BLTP3B: variants seen among roughly 807,000 people sequenced by gnomAD.
BLTP3B encodes UHRF1 (ICBP90) binding protein 1-like.
At chr12:100,095,532 G>T in the BLTP3B span, 1 of 925,538 alleles carries the variant, frequency 1.1e-6, no homozygotes, top group South Asian at 1.8e-5. Context: ...TTACATAGAA[G>T]ATATCTAGAT....
chr12:100,043,227 T>C, the BLTP3B span, among the ~76,000 whole-genome samples: 2 of 152,266 alleles, frequency 1.3e-5, no homozygotes, highest in Non-Finnish European at 2.9e-5. Context: ...ACTCACTTTA[T>C]TGTGGTGGTC....
At chr12:100,128,569 A>G in the BLTP3B span, 1 of 1,223,626 alleles carries the variant, frequency 8.2e-7, no homozygotes, top group Non-Finnish European at 1.0e-6. Context: ...CATGGGGAAT[A>G]GAAGTATTAC....
At chr12:100,039,139 A>G in the BLTP3B span, among the ~76,000 whole-genome samples, 3 of 151,636 alleles carry the variant, frequency 2.0e-5, no homozygotes, top group African/African-American at 7.3e-5. Context: ...AACTCTGCTG[A>G]ACATTTTGTT....
At chr12:100,089,056 T>G in the BLTP3B span, 163 of 1,609,280 alleles carry the variant, frequency 1.0e-4, no homozygotes, top group Non-Finnish European at 1.3e-4. Flanking sequence ...GAAGTTTGCG[T>G]TGTCTTCACT....
At chr12:100,126,608 A>G in the BLTP3B span, among the ~76,000 whole-genome samples, 1 of 151,332 alleles carries the variant, frequency 6.6e-6, no homozygotes, top group Admixed American at 6.6e-5. Flanking sequence ...TATAAACAAA[A>G]TTTTTTATTA....
the BLTP3B span, among the ~76,000 whole-genome samples, chr12:100,055,152 G>C: frequency 0.072 from 10,952 of 151,824 alleles, 484 homozygotes; most frequent in African/African-American, 0.1. Context: ...TTAAGAAGAC[G>C]TGTTTGTGTC....
At chr12:100,055,558 T>C in the BLTP3B span, among the ~76,000 whole-genome samples, 1 of 150,684 alleles carries the variant, frequency 6.6e-6, no homozygotes, top group Non-Finnish European at 1.5e-5. Context: ...GTGCCTGTAA[T>C]CCCAGCTACT....
At chr12:100,077,142 A>C in the BLTP3B span, among the ~76,000 whole-genome samples, 12 of 152,302 alleles carry the variant, frequency 7.9e-5, no homozygotes, top group South Asian at 1.2e-3. Flanking sequence ...TAAGATGTGG[A>C]TCCCATAAGA....
the BLTP3B span, among the ~76,000 whole-genome samples, chr12:100,134,693 C>A: frequency 6.6e-6 from 1 of 152,248 alleles, no homozygotes; most frequent in African/African-American, 2.4e-5. Flanking sequence ...CATAAGCCTG[C>A]TCCTCCTGCA....
chr12:100,134,276 A>G, the BLTP3B span, among the ~76,000 whole-genome samples: 3 of 152,164 alleles, frequency 2.0e-5, no homozygotes, highest in Non-Finnish European at 1.5e-5. Context: ...TCTAAATTAG[A>G]TCACAAATAA....
the BLTP3B span, among the ~76,000 whole-genome samples, chr12:100,077,319 T>C: frequency 6.6e-6 from 1 of 152,214 alleles, no homozygotes; most frequent in South Asian, 2.1e-4. Context: ...ATACCATACA[T>C]ATAGCCTAGG....
the BLTP3B span, among the ~76,000 whole-genome samples, chr12:100,131,896 T>C: frequency 6.6e-6 from 1 of 152,260 alleles, no homozygotes; most frequent in Non-Finnish European, 1.5e-5. Context: ...CTCAAGCAAT[T>C]CTCCTGCCTC....
chr12:100,124,254 T>C, the BLTP3B span, among the ~76,000 whole-genome samples: 1 of 151,968 alleles, frequency 6.6e-6, no homozygotes, highest in East Asian at 1.9e-4. Context: ...CACTCCAGTC[T>C]GGGAGAGAGA....
the BLTP3B span, chr12:100,084,343 GA>G: frequency 9.1e-5 from 85 of 934,494 alleles, 1 homozygote; most frequent in South Asian, 5.9e-4. Flanking sequence ...TTAAAAAGAA[GA>G]AAAAAAAATA....
chr12:100,120,790 T>C, the BLTP3B span, among the ~76,000 whole-genome samples: 2 of 149,854 alleles, frequency 1.3e-5, no homozygotes, highest in East Asian at 3.9e-4. Context: ...CATACAATTA[T>C]GTAAGAGAGA....
chr12:100,130,712 T>C, the BLTP3B span, among the ~76,000 whole-genome samples: 1 of 152,040 alleles, frequency 6.6e-6, no homozygotes, highest in East Asian at 1.9e-4. Context: ...GGTCAGGAGT[T>C]TGAGACCAGC....
the BLTP3B span, chr12:100,092,764 C>T: frequency 3.2e-6 from 1 of 310,258 alleles, no homozygotes; most frequent in Admixed American, 6.5e-5. Context: ...ATCTCTGTTA[C>T]CAATCACAAC....
At chr12:100,139,195 A>G in the BLTP3B span, among the ~76,000 whole-genome samples, 1 of 152,244 alleles carries the variant, frequency 6.6e-6, no homozygotes, top group Non-Finnish European at 1.5e-5. Context: ...TTTGGAATAC[A>G]AACTAACAAT....
chr12:100,069,888 T>C, the BLTP3B span: 10 of 934,480 alleles, frequency 1.1e-5, no homozygotes, highest in African/African-American at 7.1e-5. Context: ...AAAAATAAAA[T>C]AGAATAAAAT....
Sources: gnomAD v4.1 joint callset for allele counts (sites outside exome capture counted in the v4.1 genomes callset) on GRCh38, gnomAD v4.1.1 for gene constraint, MANE v1.5 for transcripts, NCBI Gene and HGNC (gene_info 2026-07-23, HGNC 2026-07-21) for gene names.